Variants in ARHGAP42 observed in about 807,000 individuals in gnomAD.
ARHGAP42 encodes the protein Rho GTPase activating protein 42.
Under a neutral mutation model 125.0 loss-of-function variants are expected in ARHGAP42, and 63 were observed. That is an observed-to-expected ratio of 0.50 (90% CI 0.41 to 0.62). ARHGAP42 has a LOEUF of 0.62. Among genes scored for constraint, ARHGAP42 ranks in the 20% least tolerant of loss-of-function variants. ARHGAP42 has a pLI of 0.00. For missense variants in ARHGAP42, 766 were observed against 1,024.2 expected (o/e 0.75, Z 3.44); for synonymous variants, 339 against 351.0 (o/e 0.97, Z 0.38).
At chr11:100,960,233 T>G (rs1857918433) in intron 13 of ARHGAP42, among the ~76,000 whole-genome samples, 1 of 32,270 alleles carries the variant, frequency 3.1e-5, no homozygotes, top group African/African-American at 3.2e-4. Flanking sequence ...ACCTCTTTGA[T>G]TTTTTTTTTT....
intron 9 of ARHGAP42, among the ~76,000 whole-genome samples, chr11:100,943,035 A>C (rs529337841): frequency 6.6e-6 from 1 of 152,246 alleles, no homozygotes; most frequent in African/African-American, 2.4e-5. Flanking sequence ...TCTCAGTGAC[A>C]AAAGAGAATT....
intron 3 of ARHGAP42, among the ~76,000 whole-genome samples, chr11:100,848,444 A>C (rs917639609): frequency 7.9e-5 from 12 of 151,868 alleles, no homozygotes; most frequent in African/African-American, 2.7e-4. Flanking sequence ...TACAACCAGC[A>C]ACCATCTTCC....
chr11:100,949,941 A>G lies in ARHGAP42; in HGVS notation c.1147A>G (p.Ser383Gly). 6.8e-7 allele frequency: 1 copy of G among 1,475,108 alleles called. No homozygotes were observed. Among genetic ancestry groups the G allele is most frequent in the Non-Finnish European group, 9.2e-7 (1 of 1,086,522 alleles). The allele number at this position is 1,475,108 out of a possible 1,614,324, so 91.4% of individuals were successfully genotyped here. The change falls in exon 12 of 24, where the codon AGC becomes GGC. Residue 383 changes from serine (S) to glycine (G), a missense_variant. Ser to Gly is a moderately conservative substitution (Grantham distance 56). Coordinates refer to ENST00000298815, the MANE Select transcript of ARHGAP42 (RefSeq NM_152432.4). ...EPIYTLPAII[S>G]KKEEMYLNEA... ...GATTTATACTCTGCCTGCCATTATAAGCAAGAAAGAAGAAAGTAAGTCATT... is the reference window on the plus strand; with the variant it reads ...GATTTATACTCTGCCTGCCATTATAGGCAAGAAAGAAGAAAGTAAGTCATT...
intron 23 of ARHGAP42, among the ~76,000 whole-genome samples, chr11:100,988,225 G>A (rs1006675734): frequency 1.3e-5 from 2 of 152,122 alleles, no homozygotes; most frequent in Admixed American, 6.5e-5. Context: ...GAGACAGAGA[G>A]ATTGTTTTAT....
chr11:100,900,769 A>T (rs1437143016), intron 4 of ARHGAP42, among the ~76,000 whole-genome samples: 1 of 152,060 alleles, frequency 6.6e-6, no homozygotes, highest in Non-Finnish European at 1.5e-5. Flanking sequence ...CAGGTCATTT[A>T]AGGTCTTCTC....
chr11:100,904,086 A>T (rs940955698), intron 4 of ARHGAP42, among the ~76,000 whole-genome samples: 3 of 152,110 alleles, frequency 2.0e-5, no homozygotes, highest in African/African-American at 7.2e-5. Flanking sequence ...AGACAGACCC[A>T]GGATTAATAC....
intron 1 of ARHGAP42, among the ~76,000 whole-genome samples, chr11:100,699,583 C>T (rs1430976311): frequency 8.4e-6 from 1 of 119,516 alleles, no homozygotes; most frequent in Non-Finnish European, 1.6e-5. Flanking sequence ...AGGGCAATGG[C>T]GTGATCTCGG....
intron 1 of ARHGAP42, among the ~76,000 whole-genome samples, chr11:100,707,943 C>T (rs1443471928): frequency 2.0e-5 from 3 of 152,130 alleles, no homozygotes; most frequent in Non-Finnish European, 2.9e-5. Flanking sequence ...AGGCATACAG[C>T]ATAGGAATCT....
chr11:100,938,117 C>A lies in ARHGAP42; in HGVS notation c.832+1785C>A, dbSNP rs1315785928. The stretch of plus-strand genomic sequence containing the variant: ...CTCTCCTAGGCTACATAAGTCAAGG[C>A]AATCCATCCTTAGTACCAGTGTTTC... On this transcript the variant is annotated intron_variant, in intron 8 of 23. Transcript: ENST00000298815. 2.0e-5 allele frequency among the ~76,000 whole-genome samples: 3 copies of A among 151,708 alleles called. No individual in the cohort carries two copies. The East Asian group carries it at 5.8e-4, about 29-fold the overall frequency.
chr11:100,879,514 G>A (rs1865907256), intron 4 of ARHGAP42, among the ~76,000 whole-genome samples: 1 of 152,146 alleles, frequency 6.6e-6, no homozygotes, highest in Non-Finnish European at 1.5e-5. Context: ...TTGTCTGTTG[G>A]CTAAAGATAG....
chr11:100,706,665 A>G (rs1439184188), intron 1 of ARHGAP42, among the ~76,000 whole-genome samples: 2 of 152,170 alleles, frequency 1.3e-5, no homozygotes, highest in Admixed American at 6.5e-5. Flanking sequence ...AAAGCTTTGC[A>G]TTTTCAAGAT....
intron 3 of ARHGAP42, among the ~76,000 whole-genome samples, chr11:100,801,489 G>A (rs2135043671): frequency 6.6e-6 from 1 of 152,262 alleles, no homozygotes; most frequent in South Asian, 2.1e-4. Flanking sequence ...AGATGAATAT[G>A]TCATCTTGGT....
intron 8 of ARHGAP42, 102 bp from the exon 9 acceptor site, chr11:100,941,682 G>T: frequency 1.5e-6 from 1 of 648,404 alleles, no homozygotes. Flanking sequence ...GCATGGTATA[G>T]GAGAGATAAT....
At chr11:100,836,776 A>G (rs1397161917) in intron 3 of ARHGAP42, among the ~76,000 whole-genome samples, 3 of 142,194 alleles carry the variant, frequency 2.1e-5, no homozygotes, top group African/African-American at 7.8e-5. Flanking sequence ...CAAAATATAC[A>G]TGCATTAAAA....
intron 8 of ARHGAP42, among the ~76,000 whole-genome samples, chr11:100,939,048 C>G (rs1418922453): frequency 6.6e-6 from 1 of 152,144 alleles, no homozygotes; most frequent in Non-Finnish European, 1.5e-5. Context: ...ATGGGGTAGG[C>G]TTAGCTCATT....
At position 100,838,964 on chromosome 11, in the gene ARHGAP42, C is replaced by T. The variant is rs11224482; in HGVS notation, c.313-20590C>T. On this transcript the variant is annotated intron_variant, in intron 3 of 23. Transcript: ENST00000298815. ...CTATTTCTCTTAGTTTTCCTAGTGT[C>T]CCAATGAAATTATAACTTTTTTTTT... Among the ~76,000 whole-genome samples, 95 of 152,160 alleles carry T rather than the reference C, an allele frequency of 6.2e-4. No individual in the cohort carries two copies. In the Middle Eastern group the frequency reaches 0.01, roughly 16 times the overall value.
intron 1 of ARHGAP42, among the ~76,000 whole-genome samples, chr11:100,730,160 T>A (rs1386929957): frequency 6.6e-6 from 1 of 152,180 alleles, no homozygotes; most frequent in East Asian, 1.9e-4. Flanking sequence ...GGTAGTTTTC[T>A]ATTTAAGGAA....
intron 6 of ARHGAP42, among the ~76,000 whole-genome samples, chr11:100,929,749 GTTAT>G (rs1867524175): frequency 1.3e-5 from 2 of 152,052 alleles, no homozygotes; most frequent in Non-Finnish European, 2.9e-5. Context: ...TTTAAACTAG[GTTAT>G]TTGTCTTTTT....
intron 3 of ARHGAP42, among the ~76,000 whole-genome samples, chr11:100,849,308 C>T (rs1591235646): frequency 6.6e-6 from 1 of 152,092 alleles, no homozygotes; most frequent in African/African-American, 2.4e-5. Context: ...CTTTTGACAG[C>T]TGTACAGTGT....
Sources: gnomAD v4.1 joint callset for allele counts (sites outside exome capture counted in the v4.1 genomes callset) on GRCh38, gnomAD v4.1.1 for gene constraint, MANE v1.5 for transcripts, NCBI Gene and HGNC (gene_info 2026-07-23, HGNC 2026-07-21) for gene names.